SDCCAG8: variants seen among roughly 807,000 people sequenced by gnomAD.
SDCCAG8 encodes serologically defined colon cancer antigen 8.
SDCCAG8 carries 74 observed loss-of-function variants against 101.8 expected under a neutral mutation model. The observed-to-expected ratio is 0.73, with a 90% confidence interval of 0.60 to 0.88. The LOEUF is 0.88. Ranked by LOEUF, SDCCAG8 falls within the 40% of genes least tolerant of loss-of-function variation. SDCCAG8 has a pLI of 0.00. For missense variants in SDCCAG8, 787 were observed against 822.6 expected, an observed-to-expected ratio of 0.96 and a Z score of 0.53; for synonymous variants, 281 against 292.9, an observed-to-expected ratio of 0.96 and a Z score of 0.41.
chr1:243,494,603 T>C (rs1232433787), intron 17 of SDCCAG8, among the ~76,000 whole-genome samples: 2 of 152,206 alleles, frequency 1.3e-5, no homozygotes, highest in Non-Finnish European at 2.9e-5. Context: ...GAAAAGCGCA[T>C]AGGGCTTCAT....
chr1:243,351,449 A>G (rs1044668722), intron 12 of SDCCAG8, among the ~76,000 whole-genome samples: 2 of 152,242 alleles, frequency 1.3e-5, no homozygotes, highest in Admixed American at 1.3e-4. Context: ...AATACTTGCA[A>G]AGCAGCATAT....
At chr1:243,495,185 C>T (rs575661465) in intron 17 of SDCCAG8, among the ~76,000 whole-genome samples, 220 of 152,336 alleles carry the variant, frequency 1.4e-3, no homozygotes, top group Non-Finnish European at 2.5e-3. Flanking sequence ...CAGGTGGCAC[C>T]GCAGAGCCAG....
At chr1:243,372,744 C>A (rs1345553261) in intron 12 of SDCCAG8, among the ~76,000 whole-genome samples, 1 of 151,032 alleles carries the variant, frequency 6.6e-6, no homozygotes. Flanking sequence ...CCTATAATCC[C>A]AACACTTTGA....
chr1:243,495,576 C>T (rs562087123), intron 17 of SDCCAG8, among the ~76,000 whole-genome samples: 38 of 152,308 alleles, frequency 2.5e-4, no homozygotes, highest in African/African-American at 9.1e-4. Flanking sequence ...AAAGGCCTGA[C>T]CCGGAGGGGA....
intron 13 of SDCCAG8, among the ~76,000 whole-genome samples, chr1:243,388,548 C>T (rs573888856): frequency 6.9e-4 from 105 of 152,010 alleles, no homozygotes; most frequent in African/African-American, 2.5e-3. Flanking sequence ...TGCACTGTTG[C>T]CCTTGTTGTC....
intron 1 of SDCCAG8, among the ~76,000 whole-genome samples, chr1:243,257,681 AC>A (rs1477420895): frequency 6.6e-6 from 1 of 152,230 alleles, no homozygotes; most frequent in Non-Finnish European, 1.5e-5. Flanking sequence ...AATTGTGTTA[AC>A]AAACTGTCGA....
At chr1:243,330,459 T>C in intron 9 of SDCCAG8, 81 bp from the exon 10 acceptor site, 1 of 1,434,562 alleles carries the variant, frequency 7.0e-7, no homozygotes. Flanking sequence ...ATTTTAAATA[T>C]ACTTAAAGCT....
intron 17 of SDCCAG8, among the ~76,000 whole-genome samples, chr1:243,489,649 G>A (rs1443925385): frequency 6.6e-6 from 1 of 152,210 alleles, no homozygotes; most frequent in Non-Finnish European, 1.5e-5. Flanking sequence ...GCACCCGGCA[G>A]TGTTACACAC....
intron 8 of SDCCAG8, among the ~76,000 whole-genome samples, chr1:243,314,297 C>G (rs1339643027): frequency 1.3e-5 from 2 of 152,180 alleles, no homozygotes; most frequent in African/African-American, 4.8e-5. Context: ...AATGATGGGC[C>G]TAACAAGACA....
At chr1:243,492,608 T>TG (rs1666813780) in intron 17 of SDCCAG8, among the ~76,000 whole-genome samples, 2 of 140,544 alleles carry the variant, frequency 1.4e-5, no homozygotes, top group Admixed American at 7.0e-5. Flanking sequence ...CCAGCTGTTT[T>TG]TTTTTTTTTT....
chr1:243,417,879 C>G (rs1218487700), intron 14 of SDCCAG8, 89 bp from the exon 15 acceptor site: 4 of 922,596 alleles, frequency 4.3e-6, no homozygotes, highest in South Asian at 1.3e-5. Flanking sequence ...GTGTAGGGGT[C>G]TAAGCACTTT....
At chr1:243,470,577 C>T (rs868739229) in intron 16 of SDCCAG8, among the ~76,000 whole-genome samples, 14 of 151,290 alleles carry the variant, frequency 9.3e-5, no homozygotes, top group Admixed American at 1.3e-4. Context: ...GCCAGGATTT[C>T]AACGGTGTCA....
At chr1:243,489,445 G>C (rs1665841944) in intron 17 of SDCCAG8, among the ~76,000 whole-genome samples, 1 of 152,250 alleles carries the variant, frequency 6.6e-6, no homozygotes, top group South Asian at 2.1e-4. Flanking sequence ...GGAGAAGCGG[G>C]AGGACGGCCG....
intron 13 of SDCCAG8, among the ~76,000 whole-genome samples, chr1:243,414,866 T>TGTGC (rs1371234450): frequency 6.6e-6 from 1 of 151,882 alleles, no homozygotes; most frequent in Admixed American, 6.6e-5. Context: ...TGTGTGTGTG[T>TGTGC]GTGTGTGTGC....
intron 1 of SDCCAG8, among the ~76,000 whole-genome samples, chr1:243,266,915 C>T (rs1341549406): frequency 7.1e-6 from 1 of 140,502 alleles, no homozygotes. Flanking sequence ...TGCACTCCAG[C>T]CTGGGCAACA....
At chr1:243,370,820 A>C (rs933727213) in intron 12 of SDCCAG8, among the ~76,000 whole-genome samples, 4 of 152,152 alleles carry the variant, frequency 2.6e-5, no homozygotes, top group African/African-American at 7.2e-5. Context: ...AAATTCCTTA[A>C]AGAATATTTG....
At chr1:243,449,539 A>G (rs565889078) in intron 16 of SDCCAG8, among the ~76,000 whole-genome samples, 79 of 152,346 alleles carry the variant, frequency 5.2e-4, no homozygotes, top group Admixed American at 1.9e-3. Flanking sequence ...AGCCCTTGGA[A>G]GACGATCCTT....
chr1:243,473,561 A>G (rs1042622419), intron 16 of SDCCAG8, among the ~76,000 whole-genome samples: 3 of 152,194 alleles, frequency 2.0e-5, no homozygotes, highest in Non-Finnish European at 4.4e-5. Context: ...TTTCTGAAGG[A>G]AAGAGTTCAG....
intron 4 of SDCCAG8, among the ~76,000 whole-genome samples, chr1:243,283,353 G>T (rs2069245615): frequency 6.6e-6 from 1 of 151,014 alleles, no homozygotes; most frequent in African/African-American, 2.4e-5. Flanking sequence ...ATTATTGACT[G>T]AAATGTTTCT....
Sources: allele counts gnomAD v4.1 joint callset (sites outside exome capture counted in the v4.1 genomes callset), GRCh38; gene constraint gnomAD v4.1.1; transcripts MANE v1.5; gene names NCBI Gene and HGNC (gene_info 2026-07-23, HGNC 2026-07-21).